Variants in IL1RAPL2 observed in about 807,000 individuals in gnomAD.
IL1RAPL2 encodes X-linked interleukin-1 receptor accessory protein-like 2.
In IL1RAPL2, 3 loss-of-function variants were observed where a neutral mutation model predicts 44.1. That is an observed-to-expected ratio of 0.07 (90% CI 0.03 to 0.18). The LOEUF (loss-of-function observed/expected upper bound fraction) is 0.18. Ranked by LOEUF, IL1RAPL2 falls within the 10% of genes least tolerant of loss-of-function variation. IL1RAPL2 has a pLI of 1.00. For missense variants in IL1RAPL2, 391 were observed against 496.4 expected, an observed-to-expected ratio of 0.79 and a Z score of 2.02; for synonymous variants, 181 against 178.8, an observed-to-expected ratio of 1.01 and a Z score of -0.10.
At chrX:105,507,825 A>T (rs1381309658) in intron 6 of IL1RAPL2, among the ~76,000 whole-genome samples, 1 of 112,280 alleles carries the variant, frequency 8.9e-6, no homozygotes, top group East Asian at 2.8e-4. Context: ...AGAAATCAAA[A>T]TAATTGTAGG....
At chrX:104,660,080 C>G (rs1042565023) in intron 2 of IL1RAPL2, among the ~76,000 whole-genome samples, 1 of 111,464 alleles carries the variant, frequency 9.0e-6, no homozygotes, top group Non-Finnish European at 1.9e-5. Flanking sequence ...AAAGATAGGG[C>G]AATATATTGT....
chrX:105,357,611 ATAAAT>A (rs1465344215), intron 5 of IL1RAPL2, among the ~76,000 whole-genome samples: 1 of 110,680 alleles, frequency 9.0e-6, no homozygotes, highest in African/African-American at 3.3e-5. Flanking sequence ...TCATAAATGA[ATAAAT>A]TAAAGCATTT....
intron 6 of IL1RAPL2, among the ~76,000 whole-genome samples, chrX:105,532,427 T>G (rs1161130205): frequency 9.0e-6 from 1 of 111,403 alleles, no homozygotes; most frequent in African/African-American, 3.3e-5. Context: ...AAGTTAAAAT[T>G]TTATTATCAT....
Position 105,156,701 on chromosome X carries a change from G to A in IL1RAPL2, c.83-38774G>A, listed in dbSNP as rs778058924. On this transcript the variant is annotated intron_variant, in intron 2 of 10. Transcript: ENST00000372582. ...TTCATCTCAGAAGAAATTTGCTATTGCTTGAAAAATACAGTTTGCTTTATG... is the reference window on the plus strand; with the variant it reads ...TTCATCTCAGAAGAAATTTGCTATTACTTGAAAAATACAGTTTGCTTTATG... 3.0e-3 allele frequency among the ~76,000 whole-genome samples: 332 copies of A among 111,981 alleles called. 3 individuals carry two copies. Among genetic ancestry groups the A allele is most frequent in the Non-Finnish European group, 5.4e-3 (288 of 53,180 alleles).
chrX:105,428,154 T>C (rs1423488130), intron 5 of IL1RAPL2, among the ~76,000 whole-genome samples: 5 of 111,413 alleles, frequency 4.5e-5, no homozygotes, highest in Admixed American at 1.9e-4. Context: ...TACAAAATAT[T>C]TGATGCACCA....
At chrX:104,638,118 C>G (rs1217826169) in intron 1 of IL1RAPL2, among the ~76,000 whole-genome samples, 1 of 111,007 alleles carries the variant, frequency 9.0e-6, no homozygotes, top group African/African-American at 3.3e-5. Context: ...AGGAACTTAT[C>G]CATTTTCTCC....
At position 105,185,451 on chromosome X, in the gene IL1RAPL2, T is replaced by C. The variant is rs782804504; in HGVS notation, c.83-10024T>C. Among the ~76,000 whole-genome samples, 3 of 112,109 alleles carry C rather than the reference T, an allele frequency of 2.7e-5. No homozygotes were observed. In the East Asian group the frequency reaches 8.4e-4, roughly 31 times the overall value. On this transcript the variant is annotated intron_variant, in intron 2 of 10. Coordinates refer to ENST00000372582, the MANE Select transcript of IL1RAPL2 (RefSeq NM_017416.2). Reference sequence around the variant, plus strand: ...CCAGGAGACTTTCCAAGTGATCACATATGCAGCTTATCTTCCCAACCTTGA... The same window carrying C: ...CCAGGAGACTTTCCAAGTGATCACACATGCAGCTTATCTTCCCAACCTTGA...
intron 6 of IL1RAPL2, among the ~76,000 whole-genome samples, chrX:105,525,704 A>T (rs1238204259): frequency 9.0e-6 from 1 of 111,562 alleles, no homozygotes; most frequent in East Asian, 2.8e-4. Context: ...TAGTCAGTTA[A>T]TTACTTGATG....
chrX:105,091,909 ATTAC>A lies in IL1RAPL2; in HGVS notation c.83-103559_83-103556del, dbSNP rs777900792. Among the ~76,000 whole-genome samples the A allele has an allele frequency of 3.8e-3, 424 of 111,767 alleles. 5 individuals carry two copies. The highest frequency in any genetic ancestry group is 0.013 in the African/African-American group (408 of 30,822). Reference sequence around the variant, plus strand: ...CCATTTTCTCATCCATAATGGAGACATTACTTACTTCCAGTAGTTGTGAGGAATT... The same window carrying A: ...CCATTTTCTCATCCATAATGGAGACATTACTTCCAGTAGTTGTGAGGAATT... On this transcript the variant is annotated intron_variant, in intron 2 of 10. Transcript: ENST00000372582.
intron 5 of IL1RAPL2, among the ~76,000 whole-genome samples, chrX:105,391,930 G>T (rs1213759380): frequency 4.7e-5 from 4 of 84,696 alleles, no homozygotes; most frequent in Non-Finnish European, 9.0e-5. Flanking sequence ...TCACTCATAG[G>T]TGGGAATTGA....
intron 2 of IL1RAPL2, among the ~76,000 whole-genome samples, chrX:105,133,420 A>G (rs1371313119): frequency 9.0e-6 from 1 of 111,614 alleles, no homozygotes; most frequent in Non-Finnish European, 1.9e-5. Flanking sequence ...TGGTAAAAAT[A>G]ATTTTTATAT....
At chrX:105,506,701 A>G (rs1383771901) in intron 6 of IL1RAPL2, among the ~76,000 whole-genome samples, 1 of 111,762 alleles carries the variant, frequency 8.9e-6, no homozygotes, top group African/African-American at 3.3e-5. Context: ...ACAATACATC[A>G]CCATGGAAAA....
intron 6 of IL1RAPL2, among the ~76,000 whole-genome samples, chrX:105,552,845 T>A (rs1419565452): frequency 1.8e-5 from 2 of 112,259 alleles, no homozygotes; most frequent in South Asian, 3.7e-4. Context: ...ACAAAAAAAA[T>A]TTCAATTACA....
intron 2 of IL1RAPL2, among the ~76,000 whole-genome samples, chrX:105,043,762 G>A (rs1040156457): frequency 1.8e-5 from 2 of 110,624 alleles, no homozygotes; most frequent in African/African-American, 6.6e-5. Context: ...ATGGTCAATT[G>A]TTACAAACTT....
chrX:105,389,181 CT>C (rs1229859648), intron 5 of IL1RAPL2, among the ~76,000 whole-genome samples: 1 of 111,488 alleles, frequency 9.0e-6, no homozygotes, highest in African/African-American at 3.3e-5. Flanking sequence ...AAAATGATTT[CT>C]ATAGTTTCTT....
chrX:104,684,538 C>A (rs1930947400), intron 2 of IL1RAPL2, among the ~76,000 whole-genome samples: 1 of 112,227 alleles, frequency 8.9e-6, no homozygotes, highest in African/African-American at 3.2e-5. Context: ...AGTTGGAGGC[C>A]TTGATTATAA....
intron 5 of IL1RAPL2, among the ~76,000 whole-genome samples, chrX:105,421,508 G>A (rs888795374): frequency 9.0e-6 from 1 of 111,389 alleles, no homozygotes; most frequent in South Asian, 3.7e-4. Context: ...CTCAGGTTTC[G>A]TCTGATAGAT....
intron 6 of IL1RAPL2, among the ~76,000 whole-genome samples, chrX:105,596,932 C>T (rs191768098): frequency 4.6e-4 from 51 of 111,519 alleles, no homozygotes; most frequent in Non-Finnish European, 8.3e-4. Context: ...GATAGGACAC[C>T]AAAAGCACAG....
chrX:105,304,501 C>T (rs1263420578), intron 5 of IL1RAPL2, among the ~76,000 whole-genome samples: 2 of 112,225 alleles, frequency 1.8e-5, no homozygotes, highest in East Asian at 2.8e-4. Flanking sequence ...TCTTAAAACT[C>T]TTGTGTCAGA....
Sources: gnomAD v4.1 joint callset for allele counts (sites outside exome capture counted in the v4.1 genomes callset) on GRCh38, gnomAD v4.1.1 for gene constraint, MANE v1.5 for transcripts, NCBI Gene and HGNC (gene_info 2026-07-23, HGNC 2026-07-21) for gene names.